Variants in FHIT observed in about 807,000 individuals in gnomAD.
FHIT encodes the protein fragile histidine triad diadenosine triphosphatase.
In FHIT, 19 loss-of-function variants were observed where a neutral mutation model predicts 17.9. The ratio of observed to expected loss-of-function variants is 1.06; its 90% CI spans 0.74 to 1.56. The LOEUF (loss-of-function observed/expected upper bound fraction) is 1.56. Ranked by LOEUF, FHIT falls within the 40% of genes most tolerant of loss-of-function variation. FHIT has a pLI of 0.00. For missense variants in FHIT, 248 were observed against 189.2 expected (o/e 1.31, Z -1.82); for synonymous variants, 81 against 69.7 (o/e 1.16, Z -0.81).
intron 2 of FHIT, among the ~76,000 whole-genome samples, chr3:61,189,553 T>C (rs560305028): frequency 4.4e-4 from 67 of 152,326 alleles, no homozygotes; most frequent in African/African-American, 1.6e-3. Context: ...AAGCTACCAA[T>C]GACTTTCTTC....
chr3:59,914,294 C>A (rs1705026947), intron 8 of FHIT, among the ~76,000 whole-genome samples: 1 of 151,898 alleles, frequency 6.6e-6, no homozygotes, highest in Non-Finnish European at 1.5e-5. Flanking sequence ...CTAGCTGCTA[C>A]CAAATTGAAC....
chr3:60,563,500 G>C (rs1003520649), intron 4 of FHIT, among the ~76,000 whole-genome samples: 1 of 152,216 alleles, frequency 6.6e-6, no homozygotes, highest in Non-Finnish European at 1.5e-5. Context: ...AGGCATGCCA[G>C]AAGCCAAAGA....
intron 5 of FHIT, among the ~76,000 whole-genome samples, chr3:60,086,827 G>C (rs1163139035): frequency 3.3e-5 from 5 of 152,188 alleles, no homozygotes; most frequent in Admixed American, 2.0e-4. Flanking sequence ...TTGAATGCCT[G>C]TGGCTTTTCC....
chr3:60,445,592 G>A (rs544693726), intron 5 of FHIT, among the ~76,000 whole-genome samples: 1 of 152,080 alleles, frequency 6.6e-6, no homozygotes, highest in Non-Finnish European at 1.5e-5. Context: ...AGAGAGGTGT[G>A]AACAGTCTAT....
intron 5 of FHIT, among the ~76,000 whole-genome samples, chr3:60,081,963 T>C (rs1703304535): frequency 6.6e-6 from 1 of 152,166 alleles, no homozygotes; most frequent in African/African-American, 2.4e-5. Flanking sequence ...TCTACTTATC[T>C]GTTTTTGTAA....
chr3:60,161,846 G>A (rs916637473), intron 5 of FHIT, among the ~76,000 whole-genome samples: 30 of 152,142 alleles, frequency 2.0e-4, no homozygotes, highest in African/African-American at 6.3e-4. Flanking sequence ...AGGCTCGATG[G>A]TGCCTGCTTC....
intron 4 of FHIT, among the ~76,000 whole-genome samples, chr3:60,646,069 T>C (rs1463868825): frequency 6.6e-6 from 1 of 152,198 alleles, no homozygotes; most frequent in East Asian, 1.9e-4. Context: ...AGAGCCCAGA[T>C]GGTCAGAAAG....
At chr3:60,416,066 G>A (rs982414703) in intron 5 of FHIT, among the ~76,000 whole-genome samples, 2 of 151,496 alleles carry the variant, frequency 1.3e-5, no homozygotes, top group African/African-American at 4.8e-5. Context: ...TAAGAGGCAT[G>A]TGATGCAGTT....
intron 4 of FHIT, among the ~76,000 whole-genome samples, chr3:60,771,085 A>G (rs1700026863): frequency 6.6e-6 from 1 of 152,200 alleles, no homozygotes; most frequent in Non-Finnish European, 1.5e-5. Flanking sequence ...ACTGACTCCT[A>G]TTTCCAGAAT....
intron 5 of FHIT, among the ~76,000 whole-genome samples, chr3:60,447,579 C>T (rs899760604): frequency 1.1e-4 from 16 of 152,064 alleles, no homozygotes; most frequent in Non-Finnish European, 1.9e-4. Context: ...TCAGTGTTAT[C>T]ATTTGGAGTA....
At chr3:59,909,940 C>G (rs1273817134) in intron 8 of FHIT, among the ~76,000 whole-genome samples, 1 of 152,200 alleles carries the variant, frequency 6.6e-6, no homozygotes, top group African/African-American at 2.4e-5. Context: ...GCTACAATCT[C>G]TCTTAATTTC....
chr3:60,849,080 A>G (rs890363491), intron 3 of FHIT, among the ~76,000 whole-genome samples: 2 of 152,138 alleles, frequency 1.3e-5, no homozygotes, highest in Non-Finnish European at 2.9e-5. Context: ...ATTTTTATCA[A>G]TAGTTGCAAA....
At chr3:60,020,276 A>T (rs187336426) in intron 5 of FHIT, among the ~76,000 whole-genome samples, 25 of 152,338 alleles carry the variant, frequency 1.6e-4, no homozygotes, top group South Asian at 1.0e-3. Context: ...TTTCCATGAC[A>T]AATACGAAAT....
At chr3:60,749,359 C>T (rs1334685158) in intron 4 of FHIT, among the ~76,000 whole-genome samples, 1 of 152,108 alleles carries the variant, frequency 6.6e-6, no homozygotes, top group Non-Finnish European at 1.5e-5. Flanking sequence ...AAATAATCTT[C>T]AGACCAACTC....
intron 2 of FHIT, among the ~76,000 whole-genome samples, chr3:61,059,713 A>G (rs2034357997): frequency 6.6e-6 from 1 of 152,148 alleles, no homozygotes; most frequent in African/African-American, 2.4e-5. Flanking sequence ...GCAGGGAACA[A>G]CCTGAACACT....
chr3:60,621,705 G>C (rs899184887), intron 4 of FHIT, among the ~76,000 whole-genome samples: 1 of 151,958 alleles, frequency 6.6e-6, no homozygotes, highest in Non-Finnish European at 1.5e-5. Flanking sequence ...AGAAATACTT[G>C]AGTGGTTGGC....
At chr3:59,866,828 CCA>C (rs1702674237) in intron 8 of FHIT, among the ~76,000 whole-genome samples, 1 of 152,088 alleles carries the variant, frequency 6.6e-6, no homozygotes, top group African/African-American at 2.4e-5. Flanking sequence ...TGGGCTGAGA[CCA>C]GCGGGTTTGC....
chr3:60,565,315 C>T (rs576469966), intron 4 of FHIT, among the ~76,000 whole-genome samples: 11 of 152,212 alleles, frequency 7.2e-5, no homozygotes, highest in African/African-American at 2.2e-4. Context: ...TGTACCCCTA[C>T]GAGGCATGGA....
At chr3:60,668,327 G>A (rs1553692969) in intron 4 of FHIT, among the ~76,000 whole-genome samples, 1 of 138,524 alleles carries the variant, frequency 7.2e-6, no homozygotes, top group African/African-American at 2.7e-5. Flanking sequence ...GGCTGGTAGC[G>A]TTGAACTTGT....
Sources: gnomAD v4.1 joint callset for allele counts (sites outside exome capture counted in the v4.1 genomes callset) on GRCh38, gnomAD v4.1.1 for gene constraint, MANE v1.5 for transcripts, NCBI Gene and HGNC (gene_info 2026-07-23, HGNC 2026-07-21) for gene names.